SLC35F3: variants seen among roughly 807,000 people sequenced by gnomAD.
The protein encoded by SLC35F3 is putative thiamine transporter SLC35F3.
A neutral mutation model predicts 49.9 loss-of-function variants in SLC35F3; 25 were observed. The observed-to-expected ratio is 0.50, with a 90% confidence interval of 0.37 to 0.70. The LOEUF (loss-of-function observed/expected upper bound fraction) is 0.70. Ranked by LOEUF, SLC35F3 falls within the 30% of genes least tolerant of loss-of-function variation. The probability of loss-of-function intolerance (pLI) is 0.00; values close to 1 mark genes in which losing one functional copy is unlikely to be tolerated. For synonymous variants in SLC35F3, 275 were observed against 265.4 expected, an observed-to-expected ratio of 1.04 and a Z score of -0.35; for missense variants, 525 against 639.8, an observed-to-expected ratio of 0.82 and a Z score of 1.94.
intron 2 of SLC35F3, among the ~76,000 whole-genome samples, chr1:234,202,593 G>A (rs1295649280): frequency 1.3e-5 from 2 of 152,230 alleles, no homozygotes; most frequent in African/African-American, 4.8e-5. Context: ...TTGAGGGGCT[G>A]TTTTGCTGTC....
chr1:234,113,063 A>G (rs1300813975), intron 2 of SLC35F3, among the ~76,000 whole-genome samples: 1 of 151,922 alleles, frequency 6.6e-6, no homozygotes, highest in Non-Finnish European at 1.5e-5. Context: ...CCTCATCCCC[A>G]TTTTAAAAAA....
chr1:234,096,578 C>G (rs1043230367), intron 2 of SLC35F3, among the ~76,000 whole-genome samples: 1 of 152,158 alleles, frequency 6.6e-6, no homozygotes, highest in Non-Finnish European at 1.5e-5. Context: ...ATTTGAGGAA[C>G]TACAAATTGT....
At chr1:234,157,327 G>T (rs933178227) in intron 2 of SLC35F3, among the ~76,000 whole-genome samples, 2 of 151,986 alleles carry the variant, frequency 1.3e-5, no homozygotes, top group African/African-American at 4.8e-5. Context: ...GCAGCAGTCG[G>T]AGTGACCCTT....
chr1:234,180,893 A>G (rs953722799), intron 2 of SLC35F3, among the ~76,000 whole-genome samples: 7 of 152,214 alleles, frequency 4.6e-5, no homozygotes, highest in Non-Finnish European at 1.0e-4. Flanking sequence ...ATGAACTGCC[A>G]TGTATCCATC....
At chr1:234,284,734 C>T (rs76418278) in intron 3 of SLC35F3, among the ~76,000 whole-genome samples, 8,703 of 152,198 alleles carry the variant, frequency 0.057, 291 homozygotes, top group Middle Eastern at 0.092. Flanking sequence ...CCAGGTAACT[C>T]GTTCTGAATG....
At chr1:234,125,162 C>A (rs905648265) in intron 2 of SLC35F3, among the ~76,000 whole-genome samples, 9 of 151,984 alleles carry the variant, frequency 5.9e-5, no homozygotes, top group African/African-American at 2.2e-4. Flanking sequence ...GTGATGAGAC[C>A]AACACTGCTC....
intron 2 of SLC35F3, among the ~76,000 whole-genome samples, chr1:234,141,726 C>A (rs1026793611): frequency 2.6e-5 from 4 of 152,174 alleles, no homozygotes; most frequent in African/African-American, 9.6e-5. Flanking sequence ...TTCTGCCCAT[C>A]GGACCACTTG....
chr1:234,186,282 A>T (rs1459615505), intron 2 of SLC35F3, among the ~76,000 whole-genome samples: 2 of 152,042 alleles, frequency 1.3e-5, no homozygotes, highest in Non-Finnish European at 2.9e-5. Context: ...CAGACTCATG[A>T]TGTTGGCCAA....
At chr1:234,203,439 G>A (rs985551405) in intron 2 of SLC35F3, among the ~76,000 whole-genome samples, 44 of 152,148 alleles carry the variant, frequency 2.9e-4, no homozygotes, top group African/African-American at 9.9e-4. Context: ...TTGGCCAGGC[G>A]CAAGGGCTCA....
chr1:234,017,380 C>T (rs1232229246), intron 2 of SLC35F3, among the ~76,000 whole-genome samples: 1 of 152,114 alleles, frequency 6.6e-6, no homozygotes, highest in Non-Finnish European at 1.5e-5. Context: ...TTTTCATCAA[C>T]TGACCAAATA....
chr1:233,933,017 AG>A (rs1662268948), intron 2 of SLC35F3, among the ~76,000 whole-genome samples: 1 of 135,484 alleles, frequency 7.4e-6, no homozygotes, highest in African/African-American at 2.7e-5. Flanking sequence ...AGAAAACCAC[AG>A]TTTTGGGCTA....
intron 2 of SLC35F3, among the ~76,000 whole-genome samples, chr1:234,224,142 G>T (rs565542697): frequency 6.6e-6 from 1 of 152,230 alleles, no homozygotes; most frequent in South Asian, 2.1e-4. Flanking sequence ...ACTGGTCATT[G>T]CAGCCTCAAC....
At chr1:234,288,251 C>T (rs1668454322) in intron 3 of SLC35F3, among the ~76,000 whole-genome samples, 1 of 152,160 alleles carries the variant, frequency 6.6e-6, no homozygotes, top group South Asian at 2.1e-4. Context: ...TACAGACCCT[C>T]CCCGCCGCCA....
At chr1:234,259,628 C>T (rs1019535267) in intron 3 of SLC35F3, among the ~76,000 whole-genome samples, 4 of 151,948 alleles carry the variant, frequency 2.6e-5, no homozygotes, top group Admixed American at 6.6e-5. Flanking sequence ...GAGCGGAGAT[C>T]GTGCCGCTGC....
intron 2 of SLC35F3, among the ~76,000 whole-genome samples, chr1:233,991,154 G>A (rs1663349034): frequency 6.6e-6 from 1 of 152,164 alleles, no homozygotes; most frequent in African/African-American, 2.4e-5. Context: ...CTCTGGCACA[G>A]CCCCAGCATC....
At chr1:234,051,651 C>A (rs1046265118) in intron 2 of SLC35F3, among the ~76,000 whole-genome samples, 5 of 152,152 alleles carry the variant, frequency 3.3e-5, no homozygotes, top group African/African-American at 1.2e-4. Flanking sequence ...TGCCTGATTA[C>A]CCTGGCCAGA....
chr1:233,996,210 G>T (rs76631163), intron 2 of SLC35F3, among the ~76,000 whole-genome samples: 1 of 152,116 alleles, frequency 6.6e-6, no homozygotes, highest in East Asian at 1.9e-4. Flanking sequence ...AAAAATTATC[G>T]TTGTTCCCTA....
At chr1:233,918,006 G>A (rs938091566) in intron 2 of SLC35F3, among the ~76,000 whole-genome samples, 6 of 122,580 alleles carry the variant, frequency 4.9e-5, no homozygotes, top group Admixed American at 4.7e-4. Context: ...CAGGGATTTG[G>A]CTTAGCTAAA....
chr1:234,044,549 A>G (rs1007340539), intron 2 of SLC35F3, among the ~76,000 whole-genome samples: 5 of 152,220 alleles, frequency 3.3e-5, no homozygotes. Flanking sequence ...TTGCCAGTTT[A>G]CACATCCACC....
Sources: gnomAD v4.1 joint callset for allele counts (sites outside exome capture counted in the v4.1 genomes callset) on GRCh38, gnomAD v4.1.1 for gene constraint, MANE v1.5 for transcripts, NCBI Gene and HGNC (gene_info 2026-07-23, HGNC 2026-07-21) for gene names.